Variants in TSPAN7 observed in about 807,000 individuals in gnomAD.
TSPAN7 encodes the protein tetraspanin-7.
A neutral mutation model predicts 17.6 loss-of-function variants in TSPAN7; 1 was observed. The observed-to-expected ratio is 0.06, with a 90% CI of 0.02 to 0.27. The LOEUF is 0.27. TSPAN7 is among the 10% of genes least tolerant of loss of function. TSPAN7 has a pLI of 1.00. For missense variants in TSPAN7, 112 were observed against 201.7 expected (o/e 0.56, Z 2.69); for synonymous variants, 78 against 79.0 (o/e 0.99, Z 0.07).
At chrX:38,609,555 A>G (rs1189020807) in intron 1 of TSPAN7, among the ~76,000 whole-genome samples, 1 of 109,857 alleles carries the variant, frequency 9.1e-6, no homozygotes, top group East Asian at 2.8e-4. Context: ...TTGAATCAAT[A>G]AATTTCTGTG....
chrX:38,568,123 C>T (rs1417939617), intron 1 of TSPAN7, among the ~76,000 whole-genome samples: 2 of 111,615 alleles, frequency 1.8e-5, no homozygotes, highest in African/African-American at 6.5e-5. Context: ...GATTCTTGTT[C>T]TCAGAGGCAT....
At chrX:38,572,563 C>CTGCACCTCAATT (rs1223518144) in intron 1 of TSPAN7, among the ~76,000 whole-genome samples, 1 of 111,634 alleles carries the variant, frequency 9.0e-6, no homozygotes, top group African/African-American at 3.3e-5. Flanking sequence ...GAAGTTGCTT[C>CTGCACCTCAATT]TGCACCTCAA....
chrX:38,630,027 T>C (rs1039439673), intron 1 of TSPAN7, among the ~76,000 whole-genome samples: 4 of 111,910 alleles, frequency 3.6e-5, no homozygotes, highest in Non-Finnish European at 5.6e-5. Flanking sequence ...AGGATTCTTA[T>C]GGTTATGCTT....
At chrX:38,632,908 G>T (rs1034337751) in intron 1 of TSPAN7, among the ~76,000 whole-genome samples, 2 of 112,023 alleles carry the variant, frequency 1.8e-5, no homozygotes, top group Non-Finnish European at 3.8e-5. Flanking sequence ...AAGACCAGAG[G>T]TTATCTGGTC....
chrX:38,640,717 GA>G (rs1363553615), intron 1 of TSPAN7, among the ~76,000 whole-genome samples: 1 of 112,184 alleles, frequency 8.9e-6, no homozygotes, highest in Non-Finnish European at 1.9e-5. Context: ...TTTAACTACA[GA>G]ATATGCATTT....
At chrX:38,612,363 A>G (rs1047194795) in intron 1 of TSPAN7, 3 of 111,861 alleles carry the variant, frequency 2.7e-5, no homozygotes, top group African/African-American at 6.5e-5. Flanking sequence ...GGAGAAGAAC[A>G]GGAATCTCCT....
rs1469541175 is a variant in TSPAN7, at chrX:38,566,424, C to T, written c.81+4797C>T. The stretch of plus-strand genomic sequence containing the variant: ...TTATAGTAGGTTTACTCACTAAATA[C>T]TTATTTCCTTAATGAATGAATGAAT... On this transcript the variant is annotated intron_variant, in intron 1 of 7. Coordinates refer to ENST00000378482, the MANE Select transcript of TSPAN7 (RefSeq NM_004615.4). The T allele has an allele frequency of 6.0e-6, 4 of 664,017 alleles. No homozygotes were observed. In the South Asian group the frequency reaches 1.0e-4, roughly 17 times the overall value. 54.7% of individuals were successfully genotyped at this position (664,017 alleles called of 1,213,427 possible).
At chrX:38,646,080 A>T (rs2069644130) in intron 1 of TSPAN7, among the ~76,000 whole-genome samples, 1 of 111,630 alleles carries the variant, frequency 9.0e-6, no homozygotes, top group Non-Finnish European at 1.9e-5. Context: ...GATAAATTCC[A>T]GACTTATTGG....
intron 1 of TSPAN7, among the ~76,000 whole-genome samples, chrX:38,629,539 GAC>G (rs761354589): frequency 5.4e-5 from 6 of 111,913 alleles, no homozygotes; most frequent in African/African-American, 1.9e-4. Context: ...TGCTCTGAGA[GAC>G]AGTATTTATG....
Position 38,681,276 on chromosome X carries a change from G to T in TSPAN7, c.670G>T (p.Ala224Ser). The T allele has an allele frequency of 8.3e-7, 1 of 1,206,297 alleles. No homozygotes were observed. The part of the protein sequence containing the change: ...GIIAGVAFGI[A>S]FSQLIGMLLA... ...CATCGCTGGAGTGGCGTTTGGAATC[G>T]CATTCTCCCAGGTAGCCTACATAAT... Residue 224 changes from alanine to serine, a missense_variant, in exon 6 of 8, where the codon GCA becomes TCA. Ala to Ser is a moderately conservative substitution (Grantham distance 99). Coordinates refer to ENST00000378482, the MANE Select transcript of TSPAN7 (RefSeq NM_004615.4).
At chrX:38,662,795 T>G (rs1292060727) in intron 1 of TSPAN7, among the ~76,000 whole-genome samples, 1 of 110,511 alleles carries the variant, frequency 9.0e-6, no homozygotes, top group African/African-American at 3.3e-5. Flanking sequence ...GGAGAAGGCC[T>G]TCCTCTTCTG....
intron 1 of TSPAN7, among the ~76,000 whole-genome samples, chrX:38,589,622 A>C (rs748945290): frequency 2.7e-5 from 3 of 112,214 alleles, no homozygotes; most frequent in Non-Finnish European, 5.6e-5. Context: ...AAAAATTTGG[A>C]ATGTATAGAT....
intron 1 of TSPAN7, among the ~76,000 whole-genome samples, chrX:38,562,509 G>T (rs1435894024): frequency 9.4e-6 from 1 of 106,783 alleles, no homozygotes; most frequent in Non-Finnish European, 2.0e-5. Flanking sequence ...GCCGCGGGGG[G>T]CTGCGTGGTG....
chrX:38,602,450 G>T (rs866799127), intron 1 of TSPAN7, among the ~76,000 whole-genome samples: 1 of 111,084 alleles, frequency 9.0e-6, no homozygotes, highest in South Asian at 3.7e-4. Context: ...ATAGACAAAG[G>T]CATAGTATTC....
intron 1 of TSPAN7, among the ~76,000 whole-genome samples, chrX:38,627,303 G>T (rs1039707299): frequency 9.0e-6 from 1 of 111,391 alleles, no homozygotes; most frequent in African/African-American, 3.3e-5. Context: ...GTGATGGTTG[G>T]CTGGCAGAAG....
intron 1 of TSPAN7, among the ~76,000 whole-genome samples, chrX:38,644,198 C>T (rs908620374): frequency 1.8e-5 from 2 of 111,836 alleles, no homozygotes; most frequent in African/African-American, 3.3e-5. Flanking sequence ...TTCTGAGTCA[C>T]CTGTTTGGGG....
Position 38,619,715 on chromosome X carries a change from G to A in TSPAN7, c.82-46406G>A, listed in dbSNP as rs764723918. On this transcript the variant is annotated intron_variant, in intron 1 of 7. Transcript: ENST00000378482. ...GGGTTGCCAACACAGAGCATACTCC[G>A]ACAAAACTGTAAAATTGTATATAAC... Among the ~76,000 whole-genome samples, 7 of 111,965 alleles carry A rather than the reference G, an allele frequency of 6.3e-5. No homozygotes were observed. In the South Asian group the frequency reaches 1.9e-3, roughly 30 times the overall value.
chrX:38,646,271 G>T lies in TSPAN7; in HGVS notation c.82-19850G>T, dbSNP rs1044183031. ...TACATGTTCATAAAAGAAAGAAAAG[G>T]CTGCAGGATTTTGTGGCAGACAGGA... On this transcript the variant is annotated intron_variant, in intron 1 of 7. Transcript: ENST00000378482. The T allele has an allele frequency of 3.5e-6, 4 of 1,152,403 alleles. No individual in the cohort carries two copies. The African/African-American group carries it at 7.2e-5, about 21-fold the overall frequency. 95.0% of individuals were successfully genotyped at this position (1,152,403 alleles called of 1,213,427 possible).
chrX:38,680,303 A>G (rs751172395), intron 5 of TSPAN7, among the ~76,000 whole-genome samples: 1 of 111,104 alleles, frequency 9.0e-6, no homozygotes, highest in Non-Finnish European at 1.9e-5. Context: ...AAGGGAAAAC[A>G]TGGCTGGTTT....
Sources: allele counts gnomAD v4.1 joint callset (sites outside exome capture counted in the v4.1 genomes callset), GRCh38; gene constraint gnomAD v4.1.1; transcripts MANE v1.5; gene names NCBI Gene and HGNC (gene_info 2026-07-23, HGNC 2026-07-21).